The following NDST3 variants were observed in gnomAD, a reference collection of about 807,000 sequenced individuals.
The protein encoded by NDST3 is N-deacetylase and N-sulfotransferase 3.
A neutral mutation model predicts 96.1 loss-of-function variants in NDST3; 58 were observed. The observed-to-expected ratio is 0.60, with a 90% confidence interval of 0.49 to 0.75. The LOEUF (loss-of-function observed/expected upper bound fraction) is 0.75, where lower values mean the gene tolerates loss of function less well. Ranked by LOEUF, NDST3 falls within the 30% of genes least tolerant of loss-of-function variation. The probability of loss-of-function intolerance (pLI) is 0.00; values close to 1 mark genes in which losing one functional copy is unlikely to be tolerated. For missense variants in NDST3, 788 were observed against 1,034.2 expected, an observed-to-expected ratio of 0.76 and a Z score of 3.27; for synonymous variants, 333 against 359.7, an observed-to-expected ratio of 0.93 and a Z score of 0.84.
intron 6 of NDST3, among the ~76,000 whole-genome samples, chr4:118,175,862 T>G (rs901105652): frequency 6.6e-6 from 1 of 152,108 alleles, no homozygotes; most frequent in African/African-American, 2.4e-5. Context: ...TAAATGTGTG[T>G]TCTCAGTGTG....
intron 6 of NDST3, chr4:118,193,715 A>G (rs1737471487): frequency 3.8e-6 from 5 of 1,316,598 alleles, no homozygotes; most frequent in Non-Finnish European, 5.5e-6. Context: ...CCAATGGAAG[A>G]GGCCCTTCTC....
At chr4:118,152,414 GA>G (rs796773331) in intron 6 of NDST3, among the ~76,000 whole-genome samples, 7 of 152,278 alleles carry the variant, frequency 4.6e-5, no homozygotes, top group Admixed American at 2.0e-4. Context: ...AGGGTGTTCT[GA>G]GACCAAGGTA....
intron 13 of NDST3, 145 bp from the exon 14 acceptor site, chr4:118,255,448 A>C: frequency 1.2e-6 from 1 of 843,346 alleles, no homozygotes; most frequent in East Asian, 3.1e-5. Flanking sequence ...AAAATATCAT[A>C]GCATGTGCTA....
At chr4:118,136,471 G>C (rs113266226) in intron 4 of NDST3, among the ~76,000 whole-genome samples, 6,671 of 150,998 alleles carry the variant, frequency 0.044, 253 homozygotes, top group African/African-American at 0.1. Flanking sequence ...GAAAAAATTA[G>C]TTTAGTTTGA....
intron 4 of NDST3, among the ~76,000 whole-genome samples, chr4:118,122,821 C>T (rs939286539): frequency 1.3e-5 from 2 of 152,148 alleles, no homozygotes; most frequent in Non-Finnish European, 2.9e-5. Flanking sequence ...CATACATCCT[C>T]GGTTAATTCT....
chr4:118,049,567 G>T (rs1231707745), intron 1 of NDST3, among the ~76,000 whole-genome samples: 1 of 151,498 alleles, frequency 6.6e-6, no homozygotes, highest in Admixed American at 6.6e-5. Flanking sequence ...CACAGAAATA[G>T]AAATATCCTT....
At chr4:118,179,200 C>A (rs1247099829) in intron 6 of NDST3, among the ~76,000 whole-genome samples, 2 of 151,700 alleles carry the variant, frequency 1.3e-5, no homozygotes, top group African/African-American at 4.8e-5. Context: ...GTTTACTTTA[C>A]AAATATCTTT....
rs116310599 is a variant in NDST3, at chr4:118,151,945, T to C, written c.1539+8261T>C. On this transcript the variant is annotated intron_variant, in intron 6 of 13. Transcript: ENST00000296499. ...AAGTATTTATTATCCTGCATCATAA[T>C]TGTGGGTTGTATTAGCCTGTACGCT... Among the ~76,000 whole-genome samples, 772 of 152,288 alleles carry C rather than the reference T, an allele frequency of 5.1e-3. 3 individuals are homozygous for C. Among genetic ancestry groups the C allele is most frequent in the Admixed American group, 0.013 (196 of 15,288 alleles).
In NDST3 at chr4:118,233,044, C is replaced by A. The variant is rs765446868; in HGVS notation, c.1852C>A (p.His618Asn). Reference protein sequence around the residue: ...TTALYLFLVMHPSILSNSPSP... With the variant: ...TTALYLFLVMNPSILSNSPSP... ...TGCTTTGTATTTGTTCCTGGTTATG[C>A]ATCCTTCCATCCTTAGTAACTCCCC... The change falls in exon 9 of 14, where the codon CAT (histidine) becomes AAT (asparagine). Residue 618 changes from histidine to asparagine, a missense_variant. Physicochemically the swap from His to Asn is moderately conservative, Grantham distance 68. This residue lies in a region of NDST3 where 490 missense variants were observed against 708.8 expected (regional missense o/e 0.69). Transcript: ENST00000296499. 6.2e-6 allele frequency: 10 copies of A among 1,613,078 alleles called. No homozygotes were observed. The Admixed American group carries it at 1.5e-4, about 24-fold the overall frequency.
At chr4:118,121,932 T>A (rs188060398) in intron 4 of NDST3, among the ~76,000 whole-genome samples, 5 of 152,356 alleles carry the variant, frequency 3.3e-5, no homozygotes, top group African/African-American at 4.8e-5. Context: ...TGTAAATTCC[T>A]GTCCAGATTA....
At chr4:118,086,989 T>C (rs977132216) in intron 2 of NDST3, among the ~76,000 whole-genome samples, 1 of 152,152 alleles carries the variant, frequency 6.6e-6, no homozygotes, top group African/African-American at 2.4e-5. Flanking sequence ...GAAAAATGAA[T>C]TGAAAGATTT....
intron 6 of NDST3, among the ~76,000 whole-genome samples, chr4:118,161,379 G>A (rs1453385779): frequency 6.6e-6 from 1 of 152,186 alleles, no homozygotes; most frequent in Non-Finnish European, 1.5e-5. Context: ...TGTGTGCTGG[G>A]AGAACCACTG....
rs1328998429 is a variant in NDST3 at position 118,257,964 on chromosome 4, T to C, written c.*2252T>C. 2 of 152,200 alleles carry C rather than the reference T, an allele frequency of 1.3e-5. No individual in the cohort carries two copies. The highest frequency in any genetic ancestry group is 2.9e-5 in the Non-Finnish European group (2 of 68,038). The allele number at this position is 152,200 out of a possible 1,614,324, so 9.4% of individuals were successfully genotyped here. A position where few individuals can be genotyped will look rare whatever the true frequency, so the allele number is the denominator to read the frequency against. On this transcript the variant is annotated 3_prime_UTR_variant, in exon 14 of 14. Transcript: ENST00000296499. ...TAGGCCTCAGCAGTTATATACAGTG[T>C]CATGTTTTCATTTGGCAACAACATT...
At chr4:118,231,263 G>A (rs371359937) in intron 8 of NDST3, among the ~76,000 whole-genome samples, 3 of 151,926 alleles carry the variant, frequency 2.0e-5, no homozygotes, top group Middle Eastern at 3.4e-3. Flanking sequence ...TTGAGCCCAG[G>A]AGGCAGAGGT....
In NDST3 at chr4:118,229,907, T is replaced by C. The variant is rs557276542; in HGVS notation, c.1819+2925T>C. ...AAGTTATATCTCAATAAAGTTTTTA[T>C]CTGGAAAAATGCCTTTTAAATATTG... On this transcript the variant is annotated intron_variant, in intron 8 of 13. Transcript: ENST00000296499. Among the ~76,000 whole-genome samples, 115 of 152,324 alleles carry C rather than the reference T, an allele frequency of 7.5e-4. 1 individual carries two copies. The highest frequency in any genetic ancestry group is 2.7e-3 in the African/African-American group (114 of 41,578).
chr4:118,034,664 C>T (rs940664593), intron 1 of NDST3, 72 bp downstream of exon 1: 1 of 152,144 alleles, frequency 6.6e-6, no homozygotes, highest in Admixed American at 6.5e-5. Context: ...TAAGAGATAA[C>T]AACTTTGCTT....
intron 6 of NDST3, among the ~76,000 whole-genome samples, chr4:118,185,656 A>G (rs988422320): frequency 2.0e-5 from 3 of 152,164 alleles, no homozygotes; most frequent in African/African-American, 7.2e-5. Context: ...ATGGACAGAA[A>G]AAGGAAAGTG....
Position 118,237,035 on chromosome 4 carries a change from T to C in NDST3, c.1944-11T>C. The C allele has an allele frequency of 6.4e-7, 1 of 1,560,940 alleles. No homozygotes were observed. Among genetic ancestry groups the C allele is most frequent in the South Asian group, 1.2e-5 (1 of 83,374 alleles). ...CAGAATCTTATTTTGAGAAAAATATTCCTTTTCTAGGTATATGGATTTCTT... is the reference window on the plus strand; with the variant it reads ...CAGAATCTTATTTTGAGAAAAATATCCCTTTTCTAGGTATATGGATTTCTT... On this transcript the variant is annotated splice_polypyrimidine_tract_variant and intron_variant, in intron 9 of 13. Coordinates refer to ENST00000296499, the MANE Select transcript of NDST3 (RefSeq NM_004784.3).
chr4:118,192,557 T>C (rs900015512), intron 6 of NDST3, among the ~76,000 whole-genome samples: 1 of 152,242 alleles, frequency 6.6e-6, no homozygotes, highest in African/African-American at 2.4e-5. Context: ...CCCCAGTGTA[T>C]GTTCTTGACA....
Sources: gnomAD v4.1 joint callset for allele counts (sites outside exome capture counted in the v4.1 genomes callset) on GRCh38, gnomAD v4.1.1 for gene constraint, gnomAD v4.1.1 regional missense constraint, MANE v1.5 for transcripts, NCBI Gene and HGNC (gene_info 2026-07-23, HGNC 2026-07-21) for gene names.